Variants in FBXL17 observed in about 807,000 individuals in gnomAD.
FBXL17 encodes the protein F-box/LRR-repeat protein 17.
FBXL17 carries 22 observed loss-of-function variants against 66.2 expected under a neutral mutation model. That is an observed-to-expected ratio of 0.33 (90% CI 0.24 to 0.47). The LOEUF (loss-of-function observed/expected upper bound fraction) is 0.47. Ranked by LOEUF, FBXL17 falls within the 20% of genes least tolerant of loss-of-function variation. The probability of loss-of-function intolerance (pLI) is 1.00; values close to 1 mark genes in which losing one functional copy is unlikely to be tolerated. For synonymous variants in FBXL17, 474 were observed against 400.5 expected (o/e 1.18, Z -2.19); for missense variants, 878 against 948.2 (o/e 0.93, Z 0.97).
At chr5:107,956,521 C>T (rs1363155848) in intron 7 of FBXL17, among the ~76,000 whole-genome samples, 2 of 152,106 alleles carry the variant, frequency 1.3e-5, no homozygotes, top group Non-Finnish European at 1.5e-5. Context: ...TAACTTTGGG[C>T]AAGTTACTTA....
chr5:108,201,253 A>G (rs1267725433), intron 5 of FBXL17, among the ~76,000 whole-genome samples: 5 of 152,180 alleles, frequency 3.3e-5, no homozygotes, highest in Admixed American at 1.3e-4. Flanking sequence ...AATTGCAAAG[A>G]AAAAGATAAT....
chr5:108,126,651 C>CTCTCTCTCTCTCTCTCTCTCTCTATA (rs1554067324), intron 6 of FBXL17, among the ~76,000 whole-genome samples: 1 of 108,038 alleles, frequency 9.3e-6, no homozygotes, highest in Non-Finnish European at 2.0e-5. Flanking sequence ...CTCTCTCTCT[C>CTCTCTCTCTCTCTCTCTCTCTCTATA]TATATATATA....
At chr5:107,931,349 T>C (rs1750732360) in intron 7 of FBXL17, among the ~76,000 whole-genome samples, 1 of 151,622 alleles carries the variant, frequency 6.6e-6, no homozygotes, top group African/African-American at 2.4e-5. Context: ...AGCCTTGACT[T>C]CCCAAGCTCA....
At chr5:108,373,198 TATAAC>T (rs1015529078) in intron 1 of FBXL17, among the ~76,000 whole-genome samples, 1 of 124,732 alleles carries the variant, frequency 8.0e-6, no homozygotes, top group Non-Finnish European at 1.7e-5. Flanking sequence ...ATTACATAAA[TATAAC>T]ATATCTAAAT....
chr5:108,381,175 G>T lies in FBXL17; in HGVS notation c.517C>A (p.Pro173Thr). The T allele has an allele frequency of 7.0e-7, 1 of 1,428,916 alleles. No homozygotes were observed. The highest frequency in any genetic ancestry group is 1.4e-5 in the South Asian group (1 of 71,342). 88.5% of individuals were successfully genotyped at this position (1,428,916 alleles called of 1,614,324 possible). ...CCCCGGAAGAGCTGCACGGCGGCGG[G>T]CGGCCCCAGGAAGCGCACCGGCCCC... ...SLGPVRFLGP[P>T]AAVQLFRGPT... The change falls in exon 1 of 9, where the codon CCC becomes ACC. Residue 173 changes from proline (P) to threonine (T), a missense_variant. Pro to Thr is a conservative substitution (Grantham distance 38). Transcript: ENST00000542267.
At chr5:108,329,293 T>C (rs1355799130) in intron 4 of FBXL17, among the ~76,000 whole-genome samples, 1 of 152,122 alleles carries the variant, frequency 6.6e-6, no homozygotes. Context: ...TTAGATGGAC[T>C]ACCATTTGTT....
intron 4 of FBXL17, among the ~76,000 whole-genome samples, chr5:108,274,580 C>T (rs1045358663): frequency 1.3e-5 from 2 of 152,132 alleles, no homozygotes; most frequent in Admixed American, 1.3e-4. Flanking sequence ...AGGTGATATA[C>T]ATCCTCCTCA....
At chr5:108,318,715 A>T (rs1174242302) in intron 4 of FBXL17, among the ~76,000 whole-genome samples, 1 of 151,932 alleles carries the variant, frequency 6.6e-6, no homozygotes, top group Non-Finnish European at 1.5e-5. Context: ...TTGAGTACCT[A>T]GAATTAACAG....
chr5:108,309,565 ATACATT>A (rs1306744260), intron 4 of FBXL17, among the ~76,000 whole-genome samples: 1 of 152,108 alleles, frequency 6.6e-6, no homozygotes, highest in Non-Finnish European at 1.5e-5. Context: ...AAATTAATAT[ATACATT>A]ATTTCCCAGC....
chr5:107,984,191 G>A (rs1200562816), intron 7 of FBXL17, among the ~76,000 whole-genome samples: 3 of 151,984 alleles, frequency 2.0e-5, no homozygotes, highest in Non-Finnish European at 4.4e-5. Context: ...AAGTTATATA[G>A]AGGTAATATT....
chr5:108,239,313 A>G (rs1171530940), intron 4 of FBXL17, among the ~76,000 whole-genome samples: 1 of 152,204 alleles, frequency 6.6e-6, no homozygotes, highest in East Asian at 1.9e-4. Flanking sequence ...AGACAGCTGA[A>G]AAGACATACT....
chr5:107,988,364 T>A (rs960952137), intron 7 of FBXL17, among the ~76,000 whole-genome samples: 11 of 151,910 alleles, frequency 7.2e-5, no homozygotes, highest in African/African-American at 2.7e-4. Flanking sequence ...CAATTAAAAT[T>A]TTTTTTCAAT....
At chr5:108,279,859 C>T (rs1353436071) in intron 4 of FBXL17, among the ~76,000 whole-genome samples, 1 of 150,754 alleles carries the variant, frequency 6.6e-6, no homozygotes, top group East Asian at 1.9e-4. Context: ...AAGACTAGTC[C>T]AAACAGAAGA....
At chr5:108,070,513 G>A (rs1462959247) in intron 6 of FBXL17, among the ~76,000 whole-genome samples, 7 of 152,098 alleles carry the variant, frequency 4.6e-5, no homozygotes, top group Non-Finnish European at 8.8e-5. Context: ...TTATCACTAC[G>A]AATGCTTCAA....
intron 6 of FBXL17, among the ~76,000 whole-genome samples, chr5:108,164,406 G>C (rs1752332686): frequency 6.6e-6 from 1 of 152,108 alleles, no homozygotes; most frequent in South Asian, 2.1e-4. Context: ...CGATGTCTTA[G>C]TCCAAGCCTC....
intron 7 of FBXL17, among the ~76,000 whole-genome samples, chr5:107,907,874 G>A (rs1454889057): frequency 6.6e-6 from 1 of 152,020 alleles, no homozygotes. Flanking sequence ...AACCATTGTG[G>A]AAGTCAGTGT....
chr5:108,219,329 T>C (rs561369840), intron 5 of FBXL17, among the ~76,000 whole-genome samples: 172 of 152,282 alleles, frequency 1.1e-3, no homozygotes, highest in Non-Finnish European at 2.1e-3. Flanking sequence ...AAGTGAGCTT[T>C]GGTAGTCAGT....
In FBXL17 at chr5:107,860,991, C is replaced by G. The variant is rs1188238029; in HGVS notation, c.*729G>C. The stretch of plus-strand genomic sequence containing the variant: ...AAAACCAACTAAAATATTTAGTGCT[C>G]AACAGAATGCATTTGTAGAATAATG... On this transcript the variant is annotated 3_prime_UTR_variant, in exon 9 of 9. Transcript: ENST00000542267. 6.6e-6 allele frequency: 1 copy of G among 152,172 alleles called. No individual in the cohort carries two copies. Among genetic ancestry groups the G allele is most frequent in the Non-Finnish European group, 1.5e-5 (1 of 68,040 alleles). The allele number at this position is 152,172 out of a possible 1,614,324, so 9.4% of individuals were successfully genotyped here. A position where few individuals can be genotyped will look rare whatever the true frequency, so the allele number is the denominator to read the frequency against.
intron 1 of FBXL17, among the ~76,000 whole-genome samples, chr5:108,379,655 C>A (rs185802922): frequency 3.4e-4 from 52 of 152,214 alleles, no homozygotes; most frequent in Non-Finnish European, 5.4e-4. Context: ...TTATTTATGG[C>A]TAGTCTCTAG....
Sources: gnomAD v4.1 joint callset for allele counts (sites outside exome capture counted in the v4.1 genomes callset) on GRCh38, gnomAD v4.1.1 for gene constraint, MANE v1.5 for transcripts, NCBI Gene and HGNC (gene_info 2026-07-23, HGNC 2026-07-21) for gene names.